Variants in GRM3 observed in about 807,000 individuals in gnomAD.
GRM3 encodes the protein metabotropic glutamate receptor 3.
A neutral mutation model predicts 70.5 loss-of-function variants in GRM3; 26 were observed. The observed-to-expected ratio is 0.37, with a 90% confidence interval of 0.27 to 0.51. The LOEUF is 0.51. Among genes scored for constraint, GRM3 ranks in the 20% least tolerant of loss-of-function variants. The pLI, the probability that GRM3 is intolerant of heterozygous loss-of-function variation, is 0.93. For synonymous variants in GRM3, 443 were observed against 434.9 expected (o/e 1.02, Z -0.23); for missense variants, 859 against 1,123.8 (o/e 0.76, Z 3.37).
intron 3 of GRM3, among the ~76,000 whole-genome samples, chr7:86,811,776 G>T (rs1797912715): frequency 6.6e-6 from 1 of 151,546 alleles, no homozygotes; most frequent in Non-Finnish European, 1.5e-5. Flanking sequence ...AAGTGGAGTC[G>T]CTTTGATTGA....
intron 1 of GRM3, among the ~76,000 whole-genome samples, chr7:86,659,737 CAT>C (rs1193921448): frequency 6.6e-6 from 1 of 151,966 alleles, no homozygotes; most frequent in Non-Finnish European, 1.5e-5. Context: ...CTTATTTTAA[CAT>C]AAAATCCTCT....
At chr7:86,797,619 C>G (rs777047021) in intron 3 of GRM3, among the ~76,000 whole-genome samples, 2 of 152,286 alleles carry the variant, frequency 1.3e-5, no homozygotes, top group South Asian at 2.1e-4. Flanking sequence ...GGAAAATTTG[C>G]AGCCTGACAA....
At chr7:86,829,591 A>G (rs960960147) in intron 3 of GRM3, among the ~76,000 whole-genome samples, 11 of 152,184 alleles carry the variant, frequency 7.2e-5, no homozygotes, top group Non-Finnish European at 1.6e-4. Context: ...GTTGTGTCTC[A>G]GGGAATAGGA....
At chr7:86,769,068 A>G (rs1796675991) in intron 2 of GRM3, among the ~76,000 whole-genome samples, 1 of 152,094 alleles carries the variant, frequency 6.6e-6, no homozygotes, top group African/African-American at 2.4e-5. Context: ...GCCCTCTTTT[A>G]CACTAACGAG....
chr7:86,726,026 T>C (rs1795586583), intron 1 of GRM3, among the ~76,000 whole-genome samples: 1 of 152,082 alleles, frequency 6.6e-6, no homozygotes, highest in Admixed American at 6.6e-5. Context: ...AACCTGTGAG[T>C]TTTGGGGTCA....
At chr7:86,652,546 G>A (rs1793634269) in intron 1 of GRM3, among the ~76,000 whole-genome samples, 1 of 152,088 alleles carries the variant, frequency 6.6e-6, no homozygotes. Context: ...TGCTAGGCTG[G>A]TCTTGAACTC....
At chr7:86,772,653 G>A (rs1015356362) in intron 2 of GRM3, among the ~76,000 whole-genome samples, 2 of 152,074 alleles carry the variant, frequency 1.3e-5, no homozygotes, top group African/African-American at 2.4e-5. Context: ...GGAAGAATAT[G>A]CAGGGAATAT....
chr7:86,666,951 G>A (rs1394380563), intron 1 of GRM3, among the ~76,000 whole-genome samples: 3 of 152,014 alleles, frequency 2.0e-5, no homozygotes, highest in South Asian at 2.1e-4. Flanking sequence ...AATCTTTGAC[G>A]CTAAGGTTGT....
intron 5 of GRM3, among the ~76,000 whole-genome samples, chr7:86,852,636 T>C (rs935890404): frequency 3.9e-5 from 6 of 152,148 alleles, no homozygotes; most frequent in African/African-American, 1.4e-4. Context: ...CAGACCTCAT[T>C]GTTTCAGCAA....
intron 1 of GRM3, among the ~76,000 whole-genome samples, chr7:86,650,811 A>G (rs1793584643): frequency 6.6e-6 from 1 of 152,216 alleles, no homozygotes. Flanking sequence ...TGAGGCTAAA[A>G]TGCTGATGTT....
intron 1 of GRM3, among the ~76,000 whole-genome samples, chr7:86,664,310 T>A (rs1319144339): frequency 6.6e-6 from 1 of 151,666 alleles, no homozygotes; most frequent in African/African-American, 2.4e-5. Flanking sequence ...TAAAGAAAAA[T>A]TTTAGTAGTT....
intron 2 of GRM3, among the ~76,000 whole-genome samples, chr7:86,774,451 C>T (rs531903286): frequency 6.6e-6 from 1 of 152,068 alleles, no homozygotes; most frequent in Non-Finnish European, 1.5e-5. Context: ...CTATTTTTGA[C>T]AACACCACCT....
intron 1 of GRM3, among the ~76,000 whole-genome samples, chr7:86,709,688 A>T (rs900448235): frequency 2.0e-5 from 3 of 152,124 alleles, no homozygotes; most frequent in African/African-American, 7.2e-5. Context: ...TAAGGGGTTT[A>T]GACCTTGAAA....
chr7:86,812,023 G>C (rs2116658347), intron 3 of GRM3, among the ~76,000 whole-genome samples: 1 of 151,700 alleles, frequency 6.6e-6, no homozygotes, highest in Non-Finnish European at 1.5e-5. Context: ...ACTCAGTAAT[G>C]ATAAAGAACA....
chr7:86,665,124 G>C (rs1793993336), intron 1 of GRM3, among the ~76,000 whole-genome samples: 1 of 152,012 alleles, frequency 6.6e-6, no homozygotes, highest in Admixed American at 6.6e-5. Flanking sequence ...GCTACATGAA[G>C]AAATCTATTC....
At chr7:86,788,253 A>C (rs1315845214) in intron 3 of GRM3, among the ~76,000 whole-genome samples, 1 of 152,178 alleles carries the variant, frequency 6.6e-6, no homozygotes, top group Non-Finnish European at 1.5e-5. Flanking sequence ...ATAAGTGGTC[A>C]CTCAGAAGTC....
intron 5 of GRM3, among the ~76,000 whole-genome samples, chr7:86,859,858 A>AT (rs1798921922): frequency 6.6e-6 from 1 of 152,202 alleles, no homozygotes; most frequent in Non-Finnish European, 1.5e-5. Context: ...AGAGAAGTGG[A>AT]TTTTGCAGAG....
chr7:86,849,725 T>C (rs1466387133), intron 4 of GRM3, among the ~76,000 whole-genome samples: 1 of 152,108 alleles, frequency 6.6e-6, no homozygotes, highest in African/African-American at 2.4e-5. Flanking sequence ...AAATTACCTG[T>C]CAAGAATGGG....
intron 4 of GRM3, among the ~76,000 whole-genome samples, chr7:86,848,319 T>C (rs1028616023): frequency 2.6e-5 from 4 of 152,182 alleles, no homozygotes; most frequent in African/African-American, 9.7e-5. Context: ...GGTGCTTATG[T>C]TCCCCAATCC....
Sources: gnomAD v4.1 joint callset for allele counts (sites outside exome capture counted in the v4.1 genomes callset) on GRCh38, gnomAD v4.1.1 for gene constraint, MANE v1.5 for transcripts, NCBI Gene and HGNC (gene_info 2026-07-23, HGNC 2026-07-21) for gene names.